The following ELOVL5 variants were observed in gnomAD, a reference collection of about 807,000 sequenced individuals.
The protein encoded by ELOVL5 is very long chain fatty acid elongase 5.
A neutral mutation model predicts 38.6 loss-of-function variants in ELOVL5; 8 were observed. The observed-to-expected ratio is 0.21, with a 90% confidence interval of 0.12 to 0.37. The LOEUF is 0.37. Among genes scored for constraint, ELOVL5 ranks in the 10% least tolerant of loss-of-function variants. ELOVL5 has a pLI of 1.00. For missense variants in ELOVL5, 280 were observed against 367.8 expected, an observed-to-expected ratio of 0.76 and a Z score of 1.95; for synonymous variants, 127 against 133.7, an observed-to-expected ratio of 0.95 and a Z score of 0.34.
At chr6:53,347,668 G>A (rs546297605) in intron 1 of ELOVL5, among the ~76,000 whole-genome samples, 3 of 152,212 alleles carry the variant, frequency 2.0e-5, no homozygotes, top group South Asian at 4.1e-4. Flanking sequence ...AGCACCTCTC[G>A]GTTCCTCAGT....
At chr6:53,297,612 G>A (rs1436249231) in intron 1 of ELOVL5, among the ~76,000 whole-genome samples, 2 of 151,896 alleles carry the variant, frequency 1.3e-5, no homozygotes, top group South Asian at 2.1e-4. Context: ...TTAATTGTTC[G>A]ATTTAATTAT....
chr6:53,322,626 T>C (rs1406583204), intron 1 of ELOVL5, among the ~76,000 whole-genome samples: 1 of 152,166 alleles, frequency 6.6e-6, no homozygotes, highest in African/African-American at 2.4e-5. Flanking sequence ...ACACAACAGC[T>C]TCCATTTAGA....
intron 1 of ELOVL5, among the ~76,000 whole-genome samples, chr6:53,324,310 T>C (rs1364041206): frequency 6.6e-6 from 1 of 151,384 alleles, no homozygotes; most frequent in African/African-American, 2.4e-5. Flanking sequence ...TACAGATCTC[T>C]ATCTATGGAT....
intron 1 of ELOVL5, among the ~76,000 whole-genome samples, chr6:53,348,280 G>A (rs1385747657): frequency 1.3e-5 from 2 of 152,198 alleles, no homozygotes; most frequent in Admixed American, 1.3e-4. Context: ...AGGACAAAAA[G>A]GAAAGGCCGG....
intron 3 of ELOVL5, among the ~76,000 whole-genome samples, chr6:53,291,080 T>A (rs977460210): frequency 6.6e-6 from 1 of 152,182 alleles, no homozygotes; most frequent in Non-Finnish European, 1.5e-5. Context: ...CCCTTTTAGC[T>A]TTAAAGGCTA....
At chr6:53,298,563 TAAG>T (rs1459849027) in intron 1 of ELOVL5, among the ~76,000 whole-genome samples, 2 of 152,114 alleles carry the variant, frequency 1.3e-5, no homozygotes, top group African/African-American at 4.8e-5. Flanking sequence ...TAACTGCCTT[TAAG>T]AAGATTAAAT....
At chr6:53,334,327 C>T (rs1228979721) in intron 1 of ELOVL5, among the ~76,000 whole-genome samples, 1 of 152,128 alleles carries the variant, frequency 6.6e-6, no homozygotes, top group African/African-American at 2.4e-5. Flanking sequence ...AGAGACCAAC[C>T]AGAGCCAGAG....
intron 1 of ELOVL5, among the ~76,000 whole-genome samples, chr6:53,306,995 C>G (rs1232959186): frequency 2.0e-5 from 3 of 152,200 alleles, no homozygotes; most frequent in African/African-American, 7.2e-5. Context: ...AAAAATCCAT[C>G]AGGTGCAGGA....
At position 53,269,208 on chromosome 6, in the gene ELOVL5, G is replaced by T; in HGVS notation, c.819C>A (p.Ser273=). 6.2e-7 allele frequency: 1 copy of T among 1,613,916 alleles called. No individual in the cohort carries two copies. Among genetic ancestry groups the T allele is most frequent in the Non-Finnish European group, 8.5e-7 (1 of 1,179,856 alleles). Residue 273 remains serine (S), a synonymous_variant, in exon 8 of 8, where the codon TCC becomes TCA. Transcript: ENST00000304434. ...TGGTGTGTCCATTCACAGCAGCCAT[G>T]GACCCATTCTGGTGGTCCTTCAGGT... ...KDHLKDHQNG[S]MAAVNGHTNS... is the part of the protein sequence containing the mutation.
chr6:53,323,586 T>C (rs974596690), intron 1 of ELOVL5, among the ~76,000 whole-genome samples: 78 of 142,800 alleles, frequency 5.5e-4, no homozygotes, highest in Non-Finnish European at 9.8e-4. Context: ...CTTTTTTTTT[T>C]TTTTTTTTTT....
chr6:53,275,355 G>T (rs1766072071), intron 4 of ELOVL5, 94 bp from the exon 5 acceptor site: 1 of 1,357,398 alleles, frequency 7.4e-7, no homozygotes, highest in Non-Finnish European at 1.0e-6. Context: ...AAAATCTGAT[G>T]TCAACTCGGA....
chr6:53,303,736 G>C (rs964095987), intron 1 of ELOVL5, among the ~76,000 whole-genome samples: 7 of 152,190 alleles, frequency 4.6e-5, no homozygotes, highest in Admixed American at 1.3e-4. Context: ...AATACGTTTA[G>C]GGTCAACACA....
At chr6:53,321,550 T>G (rs1011335837) in intron 1 of ELOVL5, among the ~76,000 whole-genome samples, 1 of 152,166 alleles carries the variant, frequency 6.6e-6, no homozygotes, top group Non-Finnish European at 1.5e-5. Context: ...GCCAATTAGG[T>G]CGAAGAGTCT....
At chr6:53,292,319 T>TA (rs1177501141) in intron 2 of ELOVL5, among the ~76,000 whole-genome samples, 15 of 152,190 alleles carry the variant, frequency 9.9e-5, no homozygotes, top group Non-Finnish European at 2.1e-4. Flanking sequence ...ACCCAAGAAA[T>TA]GGCAGTCATT....
At chr6:53,270,098 T>C (rs1484392034) in intron 7 of ELOVL5, among the ~76,000 whole-genome samples, 3 of 152,316 alleles carry the variant, frequency 2.0e-5, no homozygotes, top group Non-Finnish European at 2.9e-5. Context: ...TAAATGGATC[T>C]TTCTGTGAGC....
intron 1 of ELOVL5, among the ~76,000 whole-genome samples, chr6:53,331,653 C>CT: frequency 6.6e-6 from 1 of 152,252 alleles, no homozygotes; most frequent in Admixed American, 6.5e-5. Context: ...TAAACTTGTC[C>CT]TTTAGCAGTT....
intron 1 of ELOVL5, among the ~76,000 whole-genome samples, chr6:53,345,899 T>C (rs1298236322): frequency 2.6e-5 from 4 of 152,218 alleles, no homozygotes; most frequent in African/African-American, 9.7e-5. Context: ...AGATTCTTTT[T>C]TATTTTTCTT....
chr6:53,348,895 G>A lies in ELOVL5; in HGVS notation c.-87C>T, dbSNP rs533495222. 5.1e-5 allele frequency: 23 copies of A among 453,498 alleles called. 1 individual carries two copies. Among genetic ancestry groups the A allele is most frequent in the Middle Eastern group, 3.3e-4 (1 of 3,054 alleles). The allele number at this position is 453,498 out of a possible 1,614,324, so 28.1% of individuals were successfully genotyped here. A position where few individuals can be genotyped will look rare whatever the true frequency, so the allele number is the denominator to read the frequency against. ...GGAGGGAGCGCGGGTGGCAGCCGGC[G>A]CAGAGGCGGATGTAGAAGGAGACAC... On this transcript the variant is annotated 5_prime_UTR_variant, in exon 1 of 8. Coordinates refer to ENST00000304434, the MANE Select transcript of ELOVL5 (RefSeq NM_021814.5).
chr6:53,287,845 C>G (rs1410788487), intron 3 of ELOVL5: 2 of 1,534,160 alleles, frequency 1.3e-6, no homozygotes, highest in Admixed American at 2.0e-5. Flanking sequence ...AAGCCATGTG[C>G]ACTGCACAAC....
Sources: gnomAD v4.1 joint callset for allele counts (sites outside exome capture counted in the v4.1 genomes callset) on GRCh38, gnomAD v4.1.1 for gene constraint, MANE v1.5 for transcripts, NCBI Gene and HGNC (gene_info 2026-07-23, HGNC 2026-07-21) for gene names.